The following CST7 variants were observed in gnomAD, a reference collection of about 807,000 sequenced individuals.
CST7 encodes the protein cystatin-F.
In CST7, 15 loss-of-function variants were observed where a neutral mutation model predicts 13.1. The ratio of observed to expected loss-of-function variants is 1.14; its 90% CI spans 0.77 to 1.76. The LOEUF is 1.76. CST7 is among the 40% of genes most tolerant of loss of function. The pLI, the probability that CST7 is intolerant of heterozygous loss-of-function variation, is 0.00. For synonymous variants in CST7, 75 were observed against 66.9 expected (o/e 1.12, Z -0.59); for missense variants, 193 against 178.8 (o/e 1.08, Z -0.45).
Position 24,949,491 on chromosome 20 carries a change from C to G in CST7, c.-15C>G, listed in dbSNP as rs755061024. On this transcript the variant is annotated 5_prime_UTR_variant, in exon 1 of 4. Coordinates refer to ENST00000480798, the MANE Select transcript of CST7 (RefSeq NM_003650.4). ...CCACCCCCAACTGCCCCGCACTGTCCCTACCCGGGCAGCCATGCGAGCGGC... is the reference window on the plus strand; with the variant it reads ...CCACCCCCAACTGCCCCGCACTGTCGCTACCCGGGCAGCCATGCGAGCGGC... 1 of 1,614,118 alleles carries G rather than the reference C, an allele frequency of 6.2e-7. No homozygotes were observed.
At chr20:24,957,812 G>A (rs1600274480) in intron 2 of CST7, among the ~76,000 whole-genome samples, 1 of 152,284 alleles carries the variant, frequency 6.6e-6, no homozygotes, top group East Asian at 1.9e-4. Flanking sequence ...AGCTGCCCCT[G>A]CTGGGACCAG....
chr20:24,959,205 G>A (rs2087879699), intron 3 of CST7, among the ~76,000 whole-genome samples, 161 bp downstream of exon 3: 1 of 152,214 alleles, frequency 6.6e-6, no homozygotes, highest in East Asian at 1.9e-4. Context: ...GAGGATCCGG[G>A]AGAACAGGAG....
At chr20:24,957,264 G>A (rs753322652) in intron 1 of CST7, 23 bp from the exon 2 acceptor site, 1 of 1,607,594 alleles carries the variant, frequency 6.2e-7, no homozygotes, top group South Asian at 1.1e-5. Context: ...CAGTGTTCTT[G>A]TCTGGCTCTT....
rs2087866196 is a variant in CST7, at chr20:24,957,457, C to G, written c.241C>G (p.Gln81Glu). Residue 81 changes from glutamine to glutamate, a missense_variant and splice_region_variant, in exon 2 of 4, where the codon CAG becomes GAG. Gln to Glu is a conservative substitution (Grantham distance 29). Coordinates refer to ENST00000480798, the MANE Select transcript of CST7 (RefSeq NM_003650.4). ...GTCCCGCATCACAAGGGCCCTAGTT[C>G]AGGTAACGGTCTGGGTTCTGGTCAC... Reference protein sequence around the residue: ...KESRITRALVQIVKGLKYMLE... With the variant: ...KESRITRALVEIVKGLKYMLE... 1.2e-6 allele frequency: 2 copies of G among 1,613,168 alleles called. No homozygotes were observed. The highest frequency in any genetic ancestry group is 1.7e-6 in the Non-Finnish European group (2 of 1,179,450).
chr20:24,959,029 C>T lies in CST7; in HGVS notation c.345C>T (p.Asn115=). Residue 115 remains asparagine, a synonymous_variant, in exon 3 of 4, where the codon AAC becomes AAT. Coordinates refer to ENST00000480798, the MANE Select transcript of CST7 (RefSeq NM_003650.4). Reference sequence around the variant, plus strand: ...TGGATGACTGTGACTTCCAAACCAACCACACCTTGAAGCAGGTAAAGCAGC... The same window carrying T: ...TGGATGACTGTGACTTCCAAACCAATCACACCTTGAAGCAGGTAAAGCAGC... The part of the protein sequence containing the change: ...LRLDDCDFQT[N]HTLKQTLSCY... The T allele has an allele frequency of 6.2e-7, 1 of 1,613,528 alleles. No homozygotes were observed. Among genetic ancestry groups the T allele is most frequent in the African/African-American group, 1.3e-5 (1 of 75,050 alleles).
intron 1 of CST7, among the ~76,000 whole-genome samples, chr20:24,951,591 G>A (rs1180593290): frequency 1.3e-5 from 2 of 152,260 alleles, no homozygotes; most frequent in South Asian, 2.1e-4. Flanking sequence ...CAGCCCCTCC[G>A]CTGCCTCCTC....
At chr20:24,955,758 G>C (rs1377020659) in intron 1 of CST7, among the ~76,000 whole-genome samples, 1 of 152,172 alleles carries the variant, frequency 6.6e-6, no homozygotes, top group Non-Finnish European at 1.5e-5. Flanking sequence ...CTTAAGCAAA[G>C]GCTGCAGCAG....
intron 1 of CST7, among the ~76,000 whole-genome samples, chr20:24,953,333 TG>T (rs2087832527): frequency 6.6e-6 from 1 of 152,078 alleles, no homozygotes; most frequent in African/African-American, 2.4e-5. Flanking sequence ...GCTCGATAGC[TG>T]GAAGGGGCAG....
intron 1 of CST7, 74 bp downstream of exon 1, chr20:24,949,649 C>T: frequency 6.3e-7 from 1 of 1,580,874 alleles, no homozygotes; most frequent in South Asian, 1.1e-5. Context: ...TTGGGTCTTC[C>T]CCAGGGCACT....
intron 1 of CST7, among the ~76,000 whole-genome samples, chr20:24,951,762 T>A (rs978840751): frequency 6.6e-6 from 1 of 152,140 alleles, no homozygotes; most frequent in Non-Finnish European, 1.5e-5. Flanking sequence ...GCACCTCTCC[T>A]CCCTGAGGCT....
chr20:24,953,109 C>G (rs953360847), intron 1 of CST7, among the ~76,000 whole-genome samples: 2 of 152,248 alleles, frequency 1.3e-5, no homozygotes, highest in Non-Finnish European at 2.9e-5. Context: ...GGCAACTCCC[C>G]TGGCCTGGCA....
At chr20:24,956,985 C>CG (rs1171080042) in intron 1 of CST7, among the ~76,000 whole-genome samples, 1 of 3,606 alleles carries the variant, frequency 2.8e-4, no homozygotes, top group Admixed American at 3.6e-3. Flanking sequence ...GCAGGGGTGT[C>CG]GGGGGGGACA....
In CST7 at chr20:24,949,336, C is replaced by T; in HGVS notation, c.-170C>T. The T allele has an allele frequency of 6.5e-7, 1 of 1,534,756 alleles. No individual in the cohort carries two copies. The highest frequency in any genetic ancestry group is 8.8e-7 in the Non-Finnish European group (1 of 1,137,568). Reference sequence around the variant, plus strand: ...CATTGCCCGGCACTGGCCCGTGCTGCCTGAGAAGGATTGGCACGGGCACAG... The same window carrying T: ...CATTGCCCGGCACTGGCCCGTGCTGTCTGAGAAGGATTGGCACGGGCACAG... On this transcript the variant is annotated 5_prime_UTR_variant, in exon 1 of 4. Coordinates refer to ENST00000480798, the MANE Select transcript of CST7 (RefSeq NM_003650.4).
chr20:24,949,598 C>T (rs768265509), intron 1 of CST7, 23 bp downstream of exon 1: 39 of 1,613,256 alleles, frequency 2.4e-5, no homozygotes, highest in African/African-American at 2.1e-4. Context: ...CTCCCCTGTC[C>T]GCTCCCCGGG....
Position 24,959,651 on chromosome 20 carries a change from C to CT in CST7, c.378dup (p.Glu127Ter), listed in dbSNP as rs764506777. The CT allele has an allele frequency of 8.1e-6, 13 of 1,614,132 alleles. No homozygotes were observed. The South Asian group carries it at 1.3e-4, about 16-fold the overall frequency. On this transcript the variant is annotated frameshift_variant, in exon 4 of 4. Coordinates refer to ENST00000480798, the MANE Select transcript of CST7 (RefSeq NM_003650.4). LOFTEE classifies it high-confidence loss of function. ...CTGTTTCAGACTCTGAGCTGCTACT[C>CT]TGAAGTCTGGGTCGTGCCCTGGCTC...
At chr20:24,951,969 T>C (rs1247664657) in intron 1 of CST7, among the ~76,000 whole-genome samples, 5 of 152,194 alleles carry the variant, frequency 3.3e-5, no homozygotes, top group African/African-American at 9.7e-5. Flanking sequence ...AGCTTCCCTC[T>C]GCAAGGTGAT....
Position 24,957,286 on chromosome 20 carries a change from G to A in CST7, c.71-1G>A, listed in dbSNP as rs1600962956. On this transcript the variant is annotated splice_acceptor_variant, in intron 1 of 3. Coordinates refer to ENST00000480798, the MANE Select transcript of CST7 (RefSeq NM_003650.4). LOFTEE classifies it high-confidence loss of function. Reference sequence around the variant, plus strand: ...CTTGTCTGGCTCTTTGTCTCTTTCAGATACTTGTTCCCAGGACCTTAACTC... The same window carrying A: ...CTTGTCTGGCTCTTTGTCTCTTTCAAATACTTGTTCCCAGGACCTTAACTC... The A allele has an allele frequency of 1.2e-6, 2 of 1,611,768 alleles. No homozygotes were observed. Among genetic ancestry groups the A allele is most frequent in the Admixed American group, 1.7e-5 (1 of 59,636 alleles).
At chr20:24,953,806 T>C (rs970963140) in intron 1 of CST7, among the ~76,000 whole-genome samples, 2 of 152,310 alleles carry the variant, frequency 1.3e-5, no homozygotes, top group Non-Finnish European at 2.9e-5. Flanking sequence ...CCAGGCATTG[T>C]TTCTATACAG....
chr20:24,959,481 A>C (rs2087882362), intron 3 of CST7, among the ~76,000 whole-genome samples, 154 bp from the exon 4 acceptor site: 2 of 152,214 alleles, frequency 1.3e-5, no homozygotes, highest in Non-Finnish European at 2.9e-5. Context: ...ACATTTTCTT[A>C]AATCGTTCTT....
Sources: allele counts gnomAD v4.1 joint callset (sites outside exome capture counted in the v4.1 genomes callset), GRCh38; gene constraint gnomAD v4.1.1; transcripts MANE v1.5; gene names NCBI Gene and HGNC (gene_info 2026-07-23, HGNC 2026-07-21).